The following PTPRN2 variants were observed in gnomAD, a reference collection of about 807,000 sequenced individuals.
PTPRN2 encodes the protein protein tyrosine phosphatase receptor type N2.
Under a neutral mutation model 118.8 loss-of-function variants are expected in PTPRN2, and 74 were observed. The ratio of observed to expected loss-of-function variants is 0.62; its 90% CI spans 0.52 to 0.76. The LOEUF (loss-of-function observed/expected upper bound fraction) is 0.76, where lower values mean the gene tolerates loss of function less well. Ranked by LOEUF, PTPRN2 falls within the 30% of genes least tolerant of loss-of-function variation. The pLI is 0.00. For synonymous variants in PTPRN2, 641 were observed against 608.0 expected (o/e 1.05, Z -0.80); for missense variants, 1,481 against 1,394.4 (o/e 1.06, Z -0.99).
intron 3 of PTPRN2, among the ~76,000 whole-genome samples, chr7:158,276,565 G>A (rs34664051): frequency 0.11 from 16,293 of 149,488 alleles, 1,016 homozygotes; most frequent in East Asian, 0.23. Context: ...CCCTGGCCCT[G>A]GGCAGTCGTG....
rs184232281 is a variant in PTPRN2 at position 158,149,709 on chromosome 7, C to G, written c.911-11194G>C. Among the ~76,000 whole-genome samples the G allele has an allele frequency of 2.2e-3, 331 of 151,238 alleles. 2 individuals are homozygous for G. Among genetic ancestry groups the G allele is most frequent in the African/African-American group, 7.7e-3 (319 of 41,244 alleles). On this transcript the variant is annotated intron_variant, in intron 6 of 22. Transcript: ENST00000389418. Reference sequence around the variant, plus strand: ...GTCCCAGCTACTCAGGAGGCTAAGGCAGGAGAATTGCTTGAACATGGGAGA... The same window carrying G: ...GTCCCAGCTACTCAGGAGGCTAAGGGAGGAGAATTGCTTGAACATGGGAGA...
intron 2 of PTPRN2, among the ~76,000 whole-genome samples, chr7:158,365,425 CCTCT>C (rs1809358575): frequency 6.6e-6 from 1 of 152,198 alleles, no homozygotes; most frequent in South Asian, 2.1e-4. Flanking sequence ...GTCTCTCCTC[CCTCT>C]CTTCCTACAA....
chr7:158,172,515 C>T (rs1352078966), intron 5 of PTPRN2, among the ~76,000 whole-genome samples: 1 of 150,050 alleles, frequency 6.7e-6, no homozygotes, highest in Non-Finnish European at 1.5e-5. Flanking sequence ...TAGCAGCATC[C>T]CCACCATCAT....
At chr7:158,102,760 G>A (rs749763894) in intron 10 of PTPRN2, among the ~76,000 whole-genome samples, 2 of 149,512 alleles carry the variant, frequency 1.3e-5, no homozygotes, top group Admixed American at 1.3e-4. Flanking sequence ...ATGCAAGTGT[G>A]CACTTGCACA....
At chr7:157,715,198 C>A (rs958352543) in intron 12 of PTPRN2, among the ~76,000 whole-genome samples, 7 of 152,170 alleles carry the variant, frequency 4.6e-5, no homozygotes, top group African/African-American at 1.7e-4. Context: ...GAAATACCGA[C>A]AGGTGGGGAG....
intron 2 of PTPRN2, among the ~76,000 whole-genome samples, chr7:158,396,131 G>T (rs184314665): frequency 4.6e-5 from 7 of 152,202 alleles, no homozygotes; most frequent in Non-Finnish European, 1.0e-4. Flanking sequence ...GACACGCACA[G>T]GGCAGCGGGC....
chr7:158,047,938 G>A (rs1025337846), intron 11 of PTPRN2, among the ~76,000 whole-genome samples: 2 of 152,220 alleles, frequency 1.3e-5, no homozygotes, highest in African/African-American at 2.4e-5. Context: ...TAGGAGTACC[G>A]AGCACATGGA....
chr7:157,661,778 T>C (rs1051414635), intron 13 of PTPRN2, among the ~76,000 whole-genome samples: 1 of 152,212 alleles, frequency 6.6e-6, no homozygotes, highest in African/African-American at 2.4e-5. Context: ...CCTACTTCCC[T>C]GGACACTACG....
rs944150503 is a variant in PTPRN2, at chr7:158,546,464, C to T, written c.112+41094G>A. ...AGCCGCCGGGTTAAGGGGCTCATGG[C>T]GGAGGCAAGCCCCAGTGTCCCAGGC... On this transcript the variant is annotated intron_variant, in intron 1 of 22. Coordinates refer to ENST00000389418, the MANE Select transcript of PTPRN2 (RefSeq NM_002847.5). This position sits in a 1 kb window ranked among gnomAD's most constrained non-coding sequence, Gnocchi z 5.0. Among the ~76,000 whole-genome samples, 3 of 152,182 alleles carry T rather than the reference C, an allele frequency of 2.0e-5. No homozygotes were observed. Among genetic ancestry groups the T allele is most frequent in the South Asian group, 4.1e-4 (2 of 4,832 alleles).
chr7:158,218,366 A>G (rs1393745649), intron 3 of PTPRN2, among the ~76,000 whole-genome samples: 1 of 152,222 alleles, frequency 6.6e-6, no homozygotes, highest in East Asian at 1.9e-4. Flanking sequence ...AAGAAGAAAT[A>G]AAATCATTTT....
rs1039942233 is a variant in PTPRN2, at chr7:157,794,977, T to C, written c.1788+103696A>G. On this transcript the variant is annotated intron_variant, in intron 12 of 22. Transcript: ENST00000389418. The surrounding 1 kb of genome is among the most constrained non-coding windows in gnomAD (Gnocchi z 5.2). ...TTAGCGGGGATGCAATTATAAAGTA[T>C]TGAAACTTCCTCTAAGACATGGATC... Among the ~76,000 whole-genome samples the C allele has an allele frequency of 1.3e-5, 2 of 152,352 alleles. No homozygotes were observed. The highest frequency in any genetic ancestry group is 1.9e-4 in the East Asian group (1 of 5,182).
intron 11 of PTPRN2, among the ~76,000 whole-genome samples, chr7:158,023,658 C>T (rs1446834501): frequency 4.6e-5 from 7 of 152,182 alleles, no homozygotes; most frequent in African/African-American, 1.7e-4. Context: ...AGACCCTGAG[C>T]TTGCATTCAG....
chr7:157,772,057 TAC>T (rs892512843), intron 12 of PTPRN2, among the ~76,000 whole-genome samples: 5 of 128,930 alleles, frequency 3.9e-5, no homozygotes, highest in East Asian at 2.4e-4. Flanking sequence ...CACATAGAAA[TAC>T]ACACAGATAC....
At chr7:157,840,367 CGT>C (rs1808319986) in intron 12 of PTPRN2, among the ~76,000 whole-genome samples, 1 of 119,792 alleles carries the variant, frequency 8.3e-6, no homozygotes, top group South Asian at 2.9e-4. Context: ...TGTGTGGCCG[CGT>C]GTGACTGTGT....
intron 2 of PTPRN2, among the ~76,000 whole-genome samples, chr7:158,468,962 G>T (rs59807595): frequency 3.4e-5 from 2 of 58,514 alleles, no homozygotes; most frequent in East Asian, 5.2e-4. Context: ...CACACACTCC[G>T]GGTGGATCAA....
At chr7:158,133,560 C>G in intron 9 of PTPRN2, 117 bp downstream of exon 9, 1 of 1,386,536 alleles carries the variant, frequency 7.2e-7, no homozygotes, top group East Asian at 2.3e-5. Flanking sequence ...CCCCATTATT[C>G]AGTTGAAGAC....
Position 158,134,013 on chromosome 7 carries a change from C to T in PTPRN2, c.1220G>A (p.Gly407Glu), listed in dbSNP as rs1818602909. The change falls in exon 9 of 23, where the codon GGG becomes GAG. Residue 407 changes from glycine to glutamate, a missense_variant. Physicochemically the swap from Gly to Glu is moderately conservative, Grantham distance 98 (BLOSUM62 -2). Around this residue, in one of 3 missense-constraint regions of PTPRN2, gnomAD observed 1,115 missense variants for 994.2 expected, o/e 1.12. Transcript: ENST00000389418. The part of the protein sequence containing the change: ...ATLGGLLQDH[G>E]SRLLPGALPF... Reference sequence around the variant, plus strand: ...GAGGGCTCCAGGTAAGAGTCGAGACCCGTGGTCCTGCAGGAGGCCCCCGAG... The same window carrying T: ...GAGGGCTCCAGGTAAGAGTCGAGACTCGTGGTCCTGCAGGAGGCCCCCGAG... The T allele has an allele frequency of 6.2e-7, 1 of 1,613,956 alleles. No homozygotes were observed. Among genetic ancestry groups the T allele is most frequent in the Non-Finnish European group, 8.5e-7 (1 of 1,180,024 alleles).
chr7:158,364,145 A>G (rs1437901932), intron 2 of PTPRN2, among the ~76,000 whole-genome samples: 3 of 151,444 alleles, frequency 2.0e-5, no homozygotes, highest in Non-Finnish European at 4.4e-5. Context: ...GGGTCTGCAG[A>G]GCCCCCATCC....
At chr7:158,092,936 A>G (rs1814313264) in intron 10 of PTPRN2, among the ~76,000 whole-genome samples, 1 of 152,222 alleles carries the variant, frequency 6.6e-6, no homozygotes, top group South Asian at 2.1e-4. Flanking sequence ...ATTTGACCTA[A>G]GGCAACTCAT....
Sources: allele counts gnomAD v4.1 joint callset (sites outside exome capture counted in the v4.1 genomes callset), GRCh38; gene constraint gnomAD v4.1.1; regional missense constraint gnomAD v4.1.1; non-coding constraint Gnocchi (gnomAD v3.1); transcripts MANE v1.5; gene names NCBI Gene and HGNC (gene_info 2026-07-23, HGNC 2026-07-21).